DNAJC6: variants seen among roughly 807,000 people sequenced by gnomAD.
DNAJC6 encodes DnaJ heat shock protein family (Hsp40) member C6, also known as auxilin.
Under a neutral mutation model 110.0 loss-of-function variants are expected in DNAJC6, and 34 were observed. That is an observed-to-expected ratio of 0.31 (90% CI 0.24 to 0.41). DNAJC6 has a LOEUF of 0.41. Among genes scored for constraint, DNAJC6 ranks in the 10% least tolerant of loss-of-function variants. The probability of loss-of-function intolerance (pLI) is 1.00; values close to 1 mark genes in which losing one functional copy is unlikely to be tolerated. For synonymous variants in DNAJC6, 406 were observed against 437.2 expected, an observed-to-expected ratio of 0.93 and a Z score of 0.89; for missense variants, 1,031 against 1,207.8, an observed-to-expected ratio of 0.85 and a Z score of 2.17.
chr1:65,383,124 T>C (rs1480087104), intron 5 of DNAJC6, among the ~76,000 whole-genome samples: 1 of 152,210 alleles, frequency 6.6e-6, no homozygotes, highest in Non-Finnish European at 1.5e-5. Flanking sequence ...AATGGGCTAC[T>C]TCAAGTATGA....
chr1:65,309,340 C>G (rs948087674), upstream of DNAJC6, among the ~76,000 whole-genome samples: 27 of 150,680 alleles, frequency 1.8e-4, no homozygotes, highest in African/African-American at 6.1e-4. Flanking sequence ...TCCCCGCGGG[C>G]CAGCGGCTTT....
intron 1 of DNAJC6, among the ~76,000 whole-genome samples, chr1:65,300,071 A>G (rs908520967): frequency 6.6e-6 from 1 of 151,836 alleles, no homozygotes; most frequent in Non-Finnish European, 1.5e-5. Context: ...AAAGAAAAAA[A>G]GTCTGAAATC....
intron 1 of DNAJC6, among the ~76,000 whole-genome samples, chr1:65,289,902 C>G (rs192440245): frequency 1.3e-5 from 2 of 151,190 alleles, no homozygotes; most frequent in African/African-American, 4.9e-5. Flanking sequence ...CTCCACCTTT[C>G]GGGTTCAAGC....
chr1:65,346,044 T>A (rs1458510018), intron 1 of DNAJC6, among the ~76,000 whole-genome samples: 2 of 152,146 alleles, frequency 1.3e-5, no homozygotes, highest in African/African-American at 4.8e-5. Flanking sequence ...ATGCTTGCTG[T>A]GGGTTTTTTG....
chr1:65,289,550 G>C (rs552680013), intron 1 of DNAJC6, among the ~76,000 whole-genome samples: 20 of 152,224 alleles, frequency 1.3e-4, no homozygotes, highest in African/African-American at 4.8e-4. Context: ...GTTTGCATTT[G>C]AATTTTCATG....
At chr1:65,349,509 CAA>C (rs1645471167) in intron 1 of DNAJC6, among the ~76,000 whole-genome samples, 1 of 152,016 alleles carries the variant, frequency 6.6e-6, no homozygotes, top group South Asian at 2.1e-4. Context: ...TAATGCAGGT[CAA>C]TTAGCAACAC....
chr1:65,309,979 G>T, intron 1 of DNAJC6, 41 bp downstream of exon 1: 1 of 1,361,672 alleles, frequency 7.3e-7, no homozygotes, highest in South Asian at 1.8e-5. Flanking sequence ...AGCCCCGCGC[G>T]GCCTCCGGAG....
At chr1:65,390,848 C>G (rs1403375342) in intron 11 of DNAJC6, among the ~76,000 whole-genome samples, 1 of 152,202 alleles carries the variant, frequency 6.6e-6, no homozygotes, top group African/African-American at 2.4e-5. Context: ...GGTATCTGGA[C>G]AGTAGGTAGA....
At chr1:65,293,646 G>A (rs891413705) in intron 1 of DNAJC6, among the ~76,000 whole-genome samples, 1 of 152,136 alleles carries the variant, frequency 6.6e-6, no homozygotes, top group Non-Finnish European at 1.5e-5. Context: ...TGAGTGGGAT[G>A]AATGTTTGCA....
intron 1 of DNAJC6, among the ~76,000 whole-genome samples, chr1:65,327,478 A>T (rs1251288192): frequency 1.3e-5 from 2 of 152,190 alleles, no homozygotes; most frequent in Non-Finnish European, 2.9e-5. Context: ...TTGGTGGCTC[A>T]TGCTTTTTTT....
intron 1 of DNAJC6, among the ~76,000 whole-genome samples, chr1:65,351,707 G>A (rs1413721723): frequency 6.6e-6 from 1 of 152,142 alleles, no homozygotes; most frequent in Non-Finnish European, 1.5e-5. Context: ...CAGAATCATT[G>A]ATCAAATATA....
chr1:65,346,928 C>T (rs1163705602), intron 1 of DNAJC6, among the ~76,000 whole-genome samples: 1 of 151,764 alleles, frequency 6.6e-6, no homozygotes, highest in East Asian at 1.9e-4. Flanking sequence ...CCCCTGCCTG[C>T]CACACACACA....
At chr1:65,333,609 A>G (rs1450972861) in intron 1 of DNAJC6, among the ~76,000 whole-genome samples, 1 of 152,124 alleles carries the variant, frequency 6.6e-6, no homozygotes, top group Admixed American at 6.5e-5. Flanking sequence ...AAATCCTGAA[A>G]ACATGATAGC....
At chr1:65,382,784 A>G (rs952493967) in intron 5 of DNAJC6, among the ~76,000 whole-genome samples, 2 of 152,246 alleles carry the variant, frequency 1.3e-5, no homozygotes, top group Non-Finnish European at 2.9e-5. Flanking sequence ...GTCAGAATAT[A>G]TCTCATATCT....
intron 5 of DNAJC6, among the ~76,000 whole-genome samples, chr1:65,383,056 A>G (rs1291159083): frequency 1.3e-5 from 2 of 152,206 alleles, no homozygotes; most frequent in Admixed American, 6.5e-5. Context: ...AGTGGAAGCT[A>G]TGGAGGAATG....
intron 1 of DNAJC6, among the ~76,000 whole-genome samples, chr1:65,360,572 G>T (rs573142624): frequency 6.6e-6 from 1 of 152,250 alleles, no homozygotes; most frequent in South Asian, 2.1e-4. Context: ...GGAAATGGGA[G>T]AATTATAAAC....
At chr1:65,336,453 A>AAT (rs1645337897) in intron 1 of DNAJC6, among the ~76,000 whole-genome samples, 1 of 152,170 alleles carries the variant, frequency 6.6e-6, no homozygotes, top group Non-Finnish European at 1.5e-5. Flanking sequence ...GTAGTACCTA[A>AAT]ATATATATAG....
intron 7 of DNAJC6, among the ~76,000 whole-genome samples, chr1:65,386,502 A>G (rs1262989091): frequency 2.0e-5 from 3 of 152,154 alleles, no homozygotes; most frequent in African/African-American, 4.8e-5. Flanking sequence ...TATTAATTTA[A>G]AGTTAAGAAA....
chr1:65,268,890 AG>A (rs1369226032), intron 1 of DNAJC6, among the ~76,000 whole-genome samples: 1 of 152,182 alleles, frequency 6.6e-6, no homozygotes. Context: ...GCAAGGTCTT[AG>A]AGGCACAAAA....
Sources: gnomAD v4.1 joint callset for allele counts (sites outside exome capture counted in the v4.1 genomes callset) on GRCh38, gnomAD v4.1.1 for gene constraint, MANE v1.5 for transcripts, NCBI Gene and HGNC (gene_info 2026-07-23, HGNC 2026-07-21) for gene names.